The following DENND1A variants were observed in gnomAD, a reference collection of about 807,000 sequenced individuals.
DENND1A encodes DENN domain-containing protein 1A.
Under a neutral mutation model 113.7 loss-of-function variants are expected in DENND1A, and 51 were observed. The observed-to-expected ratio is 0.45, with a 90% CI of 0.36 to 0.57. The LOEUF (loss-of-function observed/expected upper bound fraction) is 0.57. Ranked by LOEUF, DENND1A falls within the 20% of genes least tolerant of loss-of-function variation. DENND1A has a pLI of 0.00. For synonymous variants in DENND1A, 565 were observed against 570.8 expected (o/e 0.99, Z 0.14); for missense variants, 1,258 against 1,395.9 (o/e 0.90, Z 1.57).
intron 13 of DENND1A, among the ~76,000 whole-genome samples, chr9:123,535,716 C>T (rs1465934541): frequency 1.3e-5 from 2 of 152,208 alleles, no homozygotes; most frequent in Non-Finnish European, 2.9e-5. Context: ...CAGATACCAC[C>T]TCTTTGGAGA....
chr9:123,824,680 C>A (rs1297918339), intron 2 of DENND1A, among the ~76,000 whole-genome samples: 3 of 152,070 alleles, frequency 2.0e-5, no homozygotes, highest in African/African-American at 7.2e-5. Context: ...CACCAGCATA[C>A]CTCCCAATCT....
At chr9:123,614,175 C>T (rs1172779827) in intron 10 of DENND1A, among the ~76,000 whole-genome samples, 4 of 152,188 alleles carry the variant, frequency 2.6e-5, no homozygotes, top group South Asian at 2.1e-4. Context: ...TTGCCAAGAT[C>T]GCACAGCTGG....
At chr9:123,541,486 A>G (rs1233681032) in intron 13 of DENND1A, among the ~76,000 whole-genome samples, 2 of 152,194 alleles carry the variant, frequency 1.3e-5, no homozygotes, top group Non-Finnish European at 2.9e-5. Flanking sequence ...AGACCATTTT[A>G]TTGTGAAGAC....
At chr9:123,760,369 A>G (rs1210062597) in intron 4 of DENND1A, among the ~76,000 whole-genome samples, 1 of 152,252 alleles carries the variant, frequency 6.6e-6, no homozygotes, top group Non-Finnish European at 1.5e-5. Context: ...ACAAAGGTCA[A>G]TGGACTCTGC....
chr9:123,720,666 T>C (rs1309932179), intron 5 of DENND1A, among the ~76,000 whole-genome samples: 5 of 152,246 alleles, frequency 3.3e-5, no homozygotes, highest in Admixed American at 2.0e-4. Flanking sequence ...GAGTTAACTT[T>C]ATCATTGCCA....
chr9:123,830,873 G>GAAAAA (rs71390447), intron 2 of DENND1A, among the ~76,000 whole-genome samples: 1 of 39,310 alleles, frequency 2.5e-5, no homozygotes, highest in African/African-American at 8.9e-5. Flanking sequence ...TCTCAAAAAT[G>GAAAAA]AAAAAAAAAA....
At chr9:123,436,086 T>C (rs1332046286) in intron 19 of DENND1A, among the ~76,000 whole-genome samples, 1 of 152,238 alleles carries the variant, frequency 6.6e-6, no homozygotes, top group African/African-American at 2.4e-5. Context: ...CACTCACTCC[T>C]TCTATAGCTG....
intron 2 of DENND1A, among the ~76,000 whole-genome samples, chr9:123,812,862 T>C (rs1015001321): frequency 6.6e-6 from 1 of 152,210 alleles, no homozygotes; most frequent in African/African-American, 2.4e-5. Flanking sequence ...TGTCTTTTTA[T>C]TTTGTTAATA....
At chr9:123,409,248 A>C (rs1375493623) in intron 20 of DENND1A, among the ~76,000 whole-genome samples, 3 of 152,094 alleles carry the variant, frequency 2.0e-5, no homozygotes, top group Non-Finnish European at 4.4e-5. Context: ...GAGATTCCAC[A>C]GACAGTTCAG....
rs1229634255 is a variant in DENND1A, at chr9:123,824,369, C to T, written c.89-31739G>A. Among the ~76,000 whole-genome samples the T allele has an allele frequency of 1.8e-4, 28 of 152,152 alleles. 1 individual carries two copies. The highest frequency in any genetic ancestry group is 2.4e-5 in the African/African-American group (1 of 41,438). On this transcript the variant is annotated intron_variant, in intron 2 of 23. Coordinates refer to ENST00000394215, the MANE Select transcript of DENND1A (RefSeq NM_001352964.2). ...CAATAGATTGAAAGTTCTCTGAAGG[C>T]GGGACAGTGGTGTTCTATTCATCTT...
intron 22 of DENND1A, among the ~76,000 whole-genome samples, chr9:123,387,326 G>A (rs2042616466): frequency 1.3e-5 from 2 of 152,164 alleles, no homozygotes; most frequent in South Asian, 4.1e-4. Flanking sequence ...TTTCATATGA[G>A]GAACGTTTTC....
intron 2 of DENND1A, among the ~76,000 whole-genome samples, chr9:123,823,359 A>G (rs1234793325): frequency 2.0e-5 from 3 of 152,226 alleles, no homozygotes; most frequent in Non-Finnish European, 4.4e-5. Context: ...CAGATGGAAC[A>G]GCACTGACTA....
intron 12 of DENND1A, among the ~76,000 whole-genome samples, chr9:123,582,636 T>C (rs1209772834): frequency 6.6e-6 from 1 of 151,974 alleles, no homozygotes; most frequent in East Asian, 1.9e-4. Context: ...CCTGACCTCA[T>C]GATCTGCCCG....
intron 8 of DENND1A, among the ~76,000 whole-genome samples, chr9:123,657,645 G>A (rs2063026787): frequency 2.0e-5 from 3 of 152,138 alleles, no homozygotes; most frequent in Admixed American, 6.5e-5. Flanking sequence ...ACTGTCTTGT[G>A]TCTGAAGGCA....
At chr9:123,770,875 T>C (rs572730219) in intron 3 of DENND1A, among the ~76,000 whole-genome samples, 2 of 152,326 alleles carry the variant, frequency 1.3e-5, no homozygotes, top group African/African-American at 4.8e-5. Context: ...ACCAGTTCTA[T>C]CATTCAAGAA....
At chr9:123,452,467 G>T in intron 16 of DENND1A, 120 bp from the exon 17 acceptor site, 1 of 787,992 alleles carries the variant, frequency 1.3e-6, no homozygotes, top group South Asian at 1.6e-5. Context: ...TGCACATCGA[G>T]AAATAGGCCT....
chr9:123,780,066 C>T (rs1831066039), intron 3 of DENND1A, among the ~76,000 whole-genome samples: 1 of 152,120 alleles, frequency 6.6e-6, no homozygotes, highest in Non-Finnish European at 1.5e-5. Context: ...GTTGGCCAGG[C>T]TAGTCTCGAA....
intron 2 of DENND1A, among the ~76,000 whole-genome samples, chr9:123,861,008 G>A (rs970062260): frequency 6.6e-6 from 1 of 152,142 alleles, no homozygotes; most frequent in Non-Finnish European, 1.5e-5. Flanking sequence ...ATAATACTAC[G>A]GAAGGGGAGT....
At chr9:123,688,996 C>T (rs2064998731) in intron 5 of DENND1A, among the ~76,000 whole-genome samples, 1 of 152,174 alleles carries the variant, frequency 6.6e-6, no homozygotes, top group Non-Finnish European at 1.5e-5. Context: ...AGCAAACCTC[C>T]TGGCAGAAAT....
Sources: gnomAD v4.1 joint callset for allele counts (sites outside exome capture counted in the v4.1 genomes callset) on GRCh38, gnomAD v4.1.1 for gene constraint, MANE v1.5 for transcripts, NCBI Gene and HGNC (gene_info 2026-07-23, HGNC 2026-07-21) for gene names.